MAS1: variants seen among roughly 807,000 people sequenced by gnomAD.
MAS1 encodes MAS1 proto-oncogene, G protein-coupled receptor.
For synonymous variants in MAS1, 163 were observed against 164.2 expected, an observed-to-expected ratio of 0.99 and a Z score of 0.05; for missense variants, 387 against 409.7, an observed-to-expected ratio of 0.94 and a Z score of 0.48.
rs369519048 is a variant in MAS1 at position 159,909,767 on chromosome 6, C to T, written c.*1834C>T. On this transcript the variant is annotated 3_prime_UTR_variant, in exon 3 of 3. Coordinates refer to ENST00000674077, the MANE Select transcript of MAS1 (RefSeq NM_002377.4). The stretch of plus-strand genomic sequence containing the variant: ...AAGGGGATCTTAGTCTCAAAGAGGA[C>T]CCTAAAGACTATCAGATACAAGGAA... 1 of 151,932 alleles carries T rather than the reference C, an allele frequency of 6.6e-6. No homozygotes were observed. Among genetic ancestry groups the T allele is most frequent in the Non-Finnish European group, 1.5e-5 (1 of 67,978 alleles). 9.4% of individuals were successfully genotyped at this position (151,932 alleles called of 1,614,324 possible). A position where few individuals can be genotyped will look rare whatever the true frequency, so the allele number is the denominator to read the frequency against.
intron 1 of MAS1, among the ~76,000 whole-genome samples, chr6:159,894,467 G>A (rs1782733035): frequency 6.6e-6 from 1 of 151,362 alleles, no homozygotes; most frequent in Non-Finnish European, 1.5e-5. Context: ...ACTCCAAGGT[G>A]CAAAGGGCAG....
chr6:159,903,256 C>A (rs893067102), intron 2 of MAS1, among the ~76,000 whole-genome samples: 8 of 152,090 alleles, frequency 5.3e-5, no homozygotes, highest in African/African-American at 1.9e-4. Context: ...ATCATCGTAG[C>A]CCTTCCCTTC....
chr6:159,907,896 A>G lies in MAS1; in HGVS notation c.941A>G (p.Asp314Gly). Reference sequence around the variant, plus strand: ...GAAATGCAACCTCGGCGCCAGAAAGACAATTGTAATACGGTCACAGTTGAG... The same window carrying G: ...GAAATGCAACCTCGGCGCCAGAAAGGCAATTGTAATACGGTCACAGTTGAG... ...KDEMQPRRQK[D>G]NCNTVTVETV... Residue 314 changes from aspartate (D) to glycine (G), a missense_variant, in exon 3 of 3, where the codon GAC becomes GGC. Coordinates refer to ENST00000674077, the MANE Select transcript of MAS1 (RefSeq NM_002377.4). The G allele has an allele frequency of 1.9e-6, 3 of 1,609,670 alleles. No individual in the cohort carries two copies. Among genetic ancestry groups the G allele is most frequent in the South Asian group, 1.1e-5 (1 of 90,442 alleles).
intron 2 of MAS1, chr6:159,906,570 G>T (rs1034959925): frequency 6.0e-6 from 1 of 167,706 alleles, no homozygotes; most frequent in African/African-American, 2.4e-5. Flanking sequence ...CATTAGGAAA[G>T]CTCAGGCCAG....
intron 1 of MAS1, among the ~76,000 whole-genome samples, chr6:159,894,085 G>A (rs1383300153): frequency 6.6e-6 from 1 of 152,078 alleles, no homozygotes. Context: ...CTGACATGCT[G>A]GGGAGATGTG....
At position 159,904,195 on chromosome 6, in the gene MAS1, G is replaced by T. The variant is rs575189798; in HGVS notation, c.-36-2725G>T. Among the ~76,000 whole-genome samples, 7 of 152,180 alleles carry T rather than the reference G, an allele frequency of 4.6e-5. No individual in the cohort carries two copies. In the South Asian group the frequency reaches 6.2e-4, roughly 14 times the overall value. On this transcript the variant is annotated intron_variant, in intron 2 of 2. Transcript: ENST00000674077. ...TGAAATGCCTCAAGGCCCAGTCCTT[G>T]AATGTCTTCTCCTTTTTAATGGCCC...
In MAS1 at chr6:159,916,687, C is replaced by A. The variant is rs1783030684; in HGVS notation, c.*8754C>A. Among the ~76,000 whole-genome samples, 1 of 152,152 alleles carries A rather than the reference C, an allele frequency of 6.6e-6. No homozygotes were observed. On this transcript the variant is annotated 3_prime_UTR_variant, in exon 3 of 3. Transcript: ENST00000674077. ...CACTGGCACTGTTGCCAGTGAGAGGCAAAGACACGAGGCCAATTCAACAAC... is the reference window on the plus strand; with the variant it reads ...CACTGGCACTGTTGCCAGTGAGAGGAAAAGACACGAGGCCAATTCAACAAC...
intron 1 of MAS1, among the ~76,000 whole-genome samples, chr6:159,898,477 A>G (rs1782778513): frequency 1.3e-5 from 2 of 150,886 alleles, no homozygotes; most frequent in Admixed American, 1.3e-4. Context: ...TTGGTAGAAC[A>G]GTGATTTCCA....
At chr6:159,905,594 C>A (rs940105339) in intron 2 of MAS1, among the ~76,000 whole-genome samples, 4 of 152,202 alleles carry the variant, frequency 2.6e-5, no homozygotes, top group Non-Finnish European at 4.4e-5. Flanking sequence ...GAGATCACAG[C>A]TCAGGGCCCT....
chr6:159,900,274 G>A (rs1782807716), intron 2 of MAS1, among the ~76,000 whole-genome samples: 1 of 152,134 alleles, frequency 6.6e-6, no homozygotes, highest in African/African-American at 2.4e-5. Flanking sequence ...AGACTGTTTT[G>A]TCAGCTAGCA....
intron 2 of MAS1, among the ~76,000 whole-genome samples, chr6:159,900,595 T>C (rs1782810718): frequency 1.3e-5 from 2 of 152,344 alleles, no homozygotes; most frequent in East Asian, 1.9e-4. Flanking sequence ...CTAGTTTTAA[T>C]GGAATTTTTT....
upstream of MAS1, among the ~76,000 whole-genome samples, chr6:159,890,162 G>A (rs1782680264): frequency 6.6e-6 from 1 of 152,048 alleles, no homozygotes; most frequent in Non-Finnish European, 1.5e-5. Context: ...CAGCCTTTGG[G>A]GCTTCACATT....
At chr6:159,892,152 C>T (rs1187259797) in intron 1 of MAS1, among the ~76,000 whole-genome samples, 1 of 152,162 alleles carries the variant, frequency 6.6e-6, no homozygotes, top group African/African-American at 2.4e-5. Context: ...ACAGATGGCC[C>T]TAGTGTGGGG....
At chr6:159,901,795 A>G (rs1318615440) in intron 2 of MAS1, among the ~76,000 whole-genome samples, 2 of 151,656 alleles carry the variant, frequency 1.3e-5, no homozygotes, top group Non-Finnish European at 2.9e-5. Flanking sequence ...TCAACCTGCA[A>G]TTAGTTACGA....
In MAS1 at chr6:159,893,782, C is replaced by T. The variant is rs189876380; in HGVS notation, c.-244+2649C>T. 9.2e-5 allele frequency among the ~76,000 whole-genome samples: 14 copies of T among 152,192 alleles called. No individual in the cohort carries two copies. In the East Asian group the frequency reaches 1.7e-3, roughly 19 times the overall value. On this transcript the variant is annotated intron_variant, in intron 1 of 2. Transcript: ENST00000674077. ...TGCCACTGAGAGGGGCTGGGAGCAGCGACAGCCTCCATGCAATGAGCACAT... is the reference window on the plus strand; with the variant it reads ...TGCCACTGAGAGGGGCTGGGAGCAGTGACAGCCTCCATGCAATGAGCACAT...
chr6:159,906,023 A>G (rs973218196), intron 2 of MAS1, among the ~76,000 whole-genome samples: 3 of 152,142 alleles, frequency 2.0e-5, no homozygotes, highest in African/African-American at 7.2e-5. Context: ...GCCTGGTGAC[A>G]GAGCAAGTCT....
Position 159,907,228 on chromosome 6 carries a change from TGCTTTA to T in MAS1, c.275_280del (p.Ala92_Leu93del), listed in dbSNP as rs759077969. 6.2e-6 allele frequency: 10 copies of T among 1,614,276 alleles called. No homozygotes were observed. The highest frequency in any genetic ancestry group is 8.5e-6 in the Non-Finnish European group (10 of 1,180,044). On this transcript the variant is annotated inframe_deletion, in exon 3 of 3. Transcript: ENST00000674077. ...GTATTTTCATCTTGTCTATCGACTA[TGCTTTA>T]GATTATGAGCTTTCTTCTGGCCATT...
intron 2 of MAS1, among the ~76,000 whole-genome samples, chr6:159,906,065 A>T (rs1223863165): frequency 1.3e-5 from 2 of 152,156 alleles, no homozygotes; most frequent in Admixed American, 6.5e-5. Flanking sequence ...TATTTTGATC[A>T]ACTTCTTATG....
intron 2 of MAS1, among the ~76,000 whole-genome samples, chr6:159,900,692 A>T (rs1285667626): frequency 6.6e-6 from 1 of 152,204 alleles, no homozygotes; most frequent in Non-Finnish European, 1.5e-5. Flanking sequence ...TGCTCTAACC[A>T]TTAGAAACCC....
Sources: allele counts gnomAD v4.1 joint callset (sites outside exome capture counted in the v4.1 genomes callset), GRCh38; gene constraint gnomAD v4.1.1; transcripts MANE v1.5; gene names NCBI Gene and HGNC (gene_info 2026-07-23, HGNC 2026-07-21).